FLNB: variants seen among roughly 807,000 people sequenced by gnomAD.
The protein encoded by FLNB is filamin-B.
A neutral mutation model predicts 250.6 loss-of-function variants in FLNB; 111 were observed. The ratio of observed to expected loss-of-function variants is 0.44; its 90% CI spans 0.38 to 0.52. The LOEUF is 0.52. Ranked by LOEUF, FLNB falls within the 20% of genes least tolerant of loss-of-function variation. The probability of loss-of-function intolerance (pLI) is 0.00; values close to 1 mark genes in which losing one functional copy is unlikely to be tolerated. For synonymous variants in FLNB, 1,302 were observed against 1,372.1 expected (o/e 0.95, Z 1.13); for missense variants, 2,869 against 3,447.8 (o/e 0.83, Z 4.20).
intron 1 of FLNB, among the ~76,000 whole-genome samples, chr3:58,040,536 A>G (rs2097144664): frequency 2.0e-5 from 3 of 152,050 alleles, no homozygotes; most frequent in Admixed American, 2.0e-4. Context: ...CTCTTGTCAC[A>G]CAGTCTGGAG....
intron 9 of FLNB, among the ~76,000 whole-genome samples, chr3:58,103,265 G>GGTGTGTAT (rs1553696879): frequency 4.7e-5 from 7 of 148,064 alleles, no homozygotes; most frequent in African/African-American, 1.8e-4. Flanking sequence ...AGCCAAGGAG[G>GGTGTGTAT]GTGTGTGTGT....
At chr3:58,039,909 CT>C (rs1298331360) in intron 1 of FLNB, among the ~76,000 whole-genome samples, 1 of 152,138 alleles carries the variant, frequency 6.6e-6, no homozygotes, top group Non-Finnish European at 1.5e-5. Flanking sequence ...CTTTGGGAAG[CT>C]GAGGTGGGCA....
chr3:58,164,111 T>C lies in FLNB; in HGVS notation c.7198+781T>C, dbSNP rs1028805260. The C allele has an allele frequency of 1.3e-5, 2 of 152,328 alleles. No individual in the cohort carries two copies. Among genetic ancestry groups the C allele is most frequent in the African/African-American group, 4.8e-5 (2 of 41,460 alleles). 9.4% of individuals were successfully genotyped at this position (152,328 alleles called of 1,614,324 possible). On this transcript the variant is annotated intron_variant, in intron 43 of 45. Transcript: ENST00000295956. This position sits in a 1 kb window ranked among gnomAD's most constrained non-coding sequence, Gnocchi z 4.0. ...TAGACAAGCAGACACAGAGTTTTGCTTTTGTCTTACAGAAAGAATCTTACT... is the reference window on the plus strand; with the variant it reads ...TAGACAAGCAGACACAGAGTTTTGCCTTTGTCTTACAGAAAGAATCTTACT...
chr3:58,024,157 A>G (rs1224780140), intron 1 of FLNB, among the ~76,000 whole-genome samples: 1 of 152,058 alleles, frequency 6.6e-6, no homozygotes, highest in Non-Finnish European at 1.5e-5. Flanking sequence ...GAGGCAGAGG[A>G]GATGGAATGG....
chr3:58,170,209 G>A (rs987721622), intron 45 of FLNB, among the ~76,000 whole-genome samples: 7 of 152,174 alleles, frequency 4.6e-5, no homozygotes, highest in African/African-American at 1.4e-4. Flanking sequence ...TAAACAAGAA[G>A]ATTCTCATAG....
chr3:58,150,518 A>G (rs568496225), intron 38 of FLNB: 5 of 452,180 alleles, frequency 1.1e-5, no homozygotes, highest in East Asian at 9.2e-5. Context: ...TAGATTAACT[A>G]TCTGTCAAAT....
intron 1 of FLNB, among the ~76,000 whole-genome samples, chr3:58,023,602 C>G (rs1481648087): frequency 6.6e-6 from 1 of 152,186 alleles, no homozygotes; most frequent in Admixed American, 6.5e-5. Flanking sequence ...AAAAAAGTGA[C>G]TGTGGACTGG....
chr3:58,147,235 G>A (rs1001525401), intron 34 of FLNB, among the ~76,000 whole-genome samples: 1 of 152,238 alleles, frequency 6.6e-6, no homozygotes, highest in African/African-American at 2.4e-5. Flanking sequence ...GTGCCAGTGT[G>A]ACTCTAGGGT....
At chr3:58,014,048 T>C (rs80126200) in intron 1 of FLNB, among the ~76,000 whole-genome samples, 2,722 of 152,286 alleles carry the variant, frequency 0.018, 42 homozygotes, top group South Asian at 0.042. Flanking sequence ...AAGGCTGTTA[T>C]AAAGATTAAA....
chr3:58,078,770 C>T lies in FLNB; in HGVS notation c.595C>T (p.Arg199Ter), dbSNP rs1251271008. The change falls in exon 3 of 46, where the codon CGA (arginine) becomes TGA (stop). Residue 199 changes from arginine to a stop codon, truncating the protein, a stop_gained. Coordinates refer to ENST00000295956, the MANE Select transcript of FLNB (RefSeq NM_001457.4). LOFTEE classifies it high-confidence loss of function. The part of the protein sequence containing the change: ...WDPQKPVDNA[R>*]EAMQQADDWL... ...CCCGCAGAAGCCTGTGGATAATGCA[C>T]GAGAAGCCATGCAGCAGGCAGATGA... is the stretch of plus-strand genomic sequence containing the variant. 1 of 1,613,906 alleles carries T rather than the reference C, an allele frequency of 6.2e-7. No homozygotes were observed. The highest frequency in any genetic ancestry group is 8.5e-7 in the Non-Finnish European group (1 of 1,179,940).
intron 1 of FLNB, among the ~76,000 whole-genome samples, chr3:58,042,707 C>T (rs955083717): frequency 4.0e-5 from 6 of 151,768 alleles, no homozygotes; most frequent in Admixed American, 1.3e-4. Flanking sequence ...CTTGTAGAGG[C>T]GGGGTTTTGC....
intron 9 of FLNB, among the ~76,000 whole-genome samples, chr3:58,103,466 T>A (rs2097254422): frequency 6.6e-6 from 1 of 152,244 alleles, no homozygotes; most frequent in African/African-American, 2.4e-5. Flanking sequence ...AAACCTGTCC[T>A]CTTGCAGATA....
chr3:58,131,878 A>G (rs1425850564), intron 25 of FLNB: 2 of 1,240,330 alleles, frequency 1.6e-6, no homozygotes, highest in Admixed American at 2.0e-5. Flanking sequence ...TTACTTGGAT[A>G]TCTGCCTCTA....
Position 58,170,779 on chromosome 3 carries a change from C to G in FLNB, c.*17C>G, listed in dbSNP as rs1451204824. On this transcript the variant is annotated 3_prime_UTR_variant, in exon 46 of 46. Coordinates refer to ENST00000295956, the MANE Select transcript of FLNB (RefSeq NM_001457.4). The stretch of plus-strand genomic sequence containing the variant: ...GTGCCTTAAAACAGTTTTCTCAAAT[C>G]CTGGAGAGAGTTCTTGTGGTTGCTT... 3.7e-6 allele frequency: 6 copies of G among 1,610,736 alleles called. No individual in the cohort carries two copies. Among genetic ancestry groups the G allele is most frequent in the Non-Finnish European group, 5.1e-6 (6 of 1,177,576 alleles).
chr3:58,070,365 T>C (rs1242764147), intron 1 of FLNB, among the ~76,000 whole-genome samples: 1 of 152,144 alleles, frequency 6.6e-6, no homozygotes, highest in Non-Finnish European at 1.5e-5. Context: ...TTCTCTAACC[T>C]ACCTACTCCT....
chr3:58,147,037 G>C (rs1575457887), intron 34 of FLNB, 44 bp downstream of exon 34: 1 of 1,604,222 alleles, frequency 6.2e-7, no homozygotes, highest in Non-Finnish European at 8.5e-7. Context: ...GGGAAGTATG[G>C]CTGCCTCTGA....
In FLNB at chr3:58,126,677, G is replaced by C; in HGVS notation, c.4137G>C (p.Lys1379Asn). The C allele has an allele frequency of 6.2e-7, 1 of 1,613,736 alleles. No individual in the cohort carries two copies. Among genetic ancestry groups the C allele is most frequent in the South Asian group, 1.1e-5 (1 of 91,072 alleles). Reference sequence around the variant, plus strand: ...CGAAGATAAATTGCAGAGACAACAAGGATGGCAGCTGCAGTGCTGAGTACA... The same window carrying C: ...CGAAGATAAATTGCAGAGACAACAACGATGGCAGCTGCAGTGCTGAGTACA... ...SESKINCRDN[K>N]DGSCSAEYIP... Residue 1379 changes from lysine to asparagine, a missense_variant, in exon 24 of 46, where the codon AAG (lysine) becomes AAC (asparagine). Coordinates refer to ENST00000295956, the MANE Select transcript of FLNB (RefSeq NM_001457.4).
chr3:58,008,468 C>A lies in FLNB; in HGVS notation c.-97C>A. 7.0e-7 allele frequency: 1 copy of A among 1,429,864 alleles called. No individual in the cohort carries two copies. The allele number at this position is 1,429,864 out of a possible 1,614,324, so 88.6% of individuals were successfully genotyped here. A position where few individuals can be genotyped will look rare whatever the true frequency, so the allele number is the denominator to read the frequency against. On this transcript the variant is annotated 5_prime_UTR_variant, in exon 1 of 46. Coordinates refer to ENST00000295956, the MANE Select transcript of FLNB (RefSeq NM_001457.4). ...CCGGTAGCAGCAAGTTCGAACCCCGCTCCCGCTCCGCTTCGGTTCTCGCTC... is the reference window on the plus strand; with the variant it reads ...CCGGTAGCAGCAAGTTCGAACCCCGATCCCGCTCCGCTTCGGTTCTCGCTC...
At chr3:58,112,530 A>G (rs1459619377) in intron 18 of FLNB, among the ~76,000 whole-genome samples, 1 of 152,218 alleles carries the variant, frequency 6.6e-6, no homozygotes, top group African/African-American at 2.4e-5. Flanking sequence ...ATTCCCCAAA[A>G]GCAAGCAGGA....
Sources: gnomAD v4.1 joint callset for allele counts (sites outside exome capture counted in the v4.1 genomes callset) on GRCh38, gnomAD v4.1.1 for gene constraint, Gnocchi (gnomAD v3.1) non-coding constraint, MANE v1.5 for transcripts, NCBI Gene and HGNC (gene_info 2026-07-23, HGNC 2026-07-21) for gene names.